BAZ2A: variants seen among roughly 807,000 people sequenced by gnomAD.
BAZ2A encodes the protein bromodomain adjacent to zinc finger domain protein 2A.
A neutral mutation model predicts 199.9 loss-of-function variants in BAZ2A; 34 were observed. The observed-to-expected ratio is 0.17, with a 90% CI of 0.13 to 0.23. The LOEUF (loss-of-function observed/expected upper bound fraction) is 0.23, where lower values mean the gene tolerates loss of function less well. BAZ2A is among the 10% of genes least tolerant of loss of function. The pLI, the probability that BAZ2A is intolerant of heterozygous loss-of-function variation, is 1.00. For missense variants in BAZ2A, 2,002 were observed against 2,391.1 expected (o/e 0.84, Z 3.39); for synonymous variants, 857 against 883.9 (o/e 0.97, Z 0.54).
chr12:56,633,720 C>G (rs1440977487), upstream of BAZ2A, among the ~76,000 whole-genome samples: 2 of 151,896 alleles, frequency 1.3e-5, no homozygotes, highest in Non-Finnish European at 2.9e-5. Context: ...TCCCCTTCTT[C>G]CCCCACTTTT....
Position 56,612,942 on chromosome 12 carries a change from CCTAA to C in BAZ2A, c.1135+69_1135+72del, listed in dbSNP as rs755608971. 3.2e-4 allele frequency: 481 copies of C among 1,480,082 alleles called. 1 individual carries two copies. The highest frequency in any genetic ancestry group is 1.1e-3 in the Admixed American group (56 of 51,756). 91.7% of individuals were successfully genotyped at this position (1,480,082 alleles called of 1,614,324 possible). A position where few individuals can be genotyped will look rare whatever the true frequency, so the allele number is the denominator to read the frequency against. The stretch of plus-strand genomic sequence containing the variant: ...CAGCCAGATTTCCCACTCTTAAGGC[CCTAA>C]CTATGAAACTTATTCTCTCATCTTT... On this transcript the variant is annotated intron_variant, in intron 5 of 28. Coordinates refer to ENST00000549884, the MANE Select transcript of BAZ2A (RefSeq NM_001300905.2).
rs1223520281 is a variant in BAZ2A, at chr12:56,601,170, G to A, written c.4294+10C>T. 2 of 1,613,936 alleles carry A rather than the reference G, an allele frequency of 1.2e-6. No individual in the cohort carries two copies. The highest frequency in any genetic ancestry group is 1.7e-5 in the Admixed American group (1 of 60,010). On this transcript the variant is annotated intron_variant, in intron 21 of 28. Transcript: ENST00000549884. ...CCCACACCGGATGCCCTCACTCCAA[G>A]GTCACTCACCAGGTGGGACAGGCTG...
In BAZ2A at chr12:56,602,095, A is replaced by C; in HGVS notation, c.3522T>G (p.Ala1174=). 1 of 1,583,552 alleles carries C rather than the reference A, an allele frequency of 6.3e-7. No homozygotes were observed. Among genetic ancestry groups the C allele is most frequent in the Non-Finnish European group, 8.6e-7 (1 of 1,164,502 alleles). The change falls in exon 20 of 29, where the codon GCT becomes GCG. Residue 1174 remains alanine (A), a synonymous_variant. Coordinates refer to ENST00000549884, the MANE Select transcript of BAZ2A (RefSeq NM_001300905.2). ...GAGAACTGGCAGTGGTGTTGGAGCC[A>C]GCTAACTCCATCTTCATAGAGAAGA... ...PALFSMKMEL[A]GSNTTASSPA...
In BAZ2A at chr12:56,600,501, G is replaced by A; in HGVS notation, c.4603-11C>T. Reference sequence around the variant, plus strand: ...AGGACATGTCCAGCCCTTCAGTTAAGAGAGAGGAATAAAACTCACTGTAAA... The same window carrying A: ...AGGACATGTCCAGCCCTTCAGTTAAAAGAGAGGAATAAAACTCACTGTAAA... On this transcript the variant is annotated splice_polypyrimidine_tract_variant and intron_variant, in intron 23 of 28. Coordinates refer to ENST00000549884, the MANE Select transcript of BAZ2A (RefSeq NM_001300905.2). 2 of 1,608,376 alleles carry A rather than the reference G, an allele frequency of 1.2e-6. No individual in the cohort carries two copies. The highest frequency in any genetic ancestry group is 1.7e-6 in the Non-Finnish European group (2 of 1,177,040).
At chr12:56,633,934 T>A (rs994885752), upstream of BAZ2A, among the ~76,000 whole-genome samples, 2 of 152,162 alleles carry the variant, frequency 1.3e-5, no homozygotes, top group African/African-American at 4.8e-5. Flanking sequence ...GGTTTTGCCA[T>A]GTTGCCCAAG....
In BAZ2A at chr12:56,614,061, C is replaced by G. The variant is rs1950640602; in HGVS notation, c.808G>C (p.Asp270His). The G allele has an allele frequency of 6.2e-7, 1 of 1,614,004 alleles. No homozygotes were observed. Among genetic ancestry groups the G allele is most frequent in the Non-Finnish European group, 8.5e-7 (1 of 1,179,872 alleles). Residue 270 changes from aspartate (D) to histidine (H), a missense_variant, in exon 4 of 29, where the codon GAC becomes CAC. By Grantham distance (81) the Asp-to-His change is moderately conservative. This residue lies in a region of BAZ2A where 641 missense variants were observed against 694.5 expected (regional missense o/e 0.92). Transcript: ENST00000549884. ...TCATCTAAACAGCTCACTGTGGGGTCAGGGACCAGGACTGAGACCTCTTGG... is the reference window on the plus strand; with the variant it reads ...TCATCTAAACAGCTCACTGTGGGGTGAGGGACCAGGACTGAGACCTCTTGG... ...LHQEVSVLVP[D>H]PTVSCLDDPS...
At chr12:56,610,274 G>T in intron 8 of BAZ2A, 59 bp from the exon 9 acceptor site, 1 of 1,593,546 alleles carries the variant, frequency 6.3e-7, no homozygotes, top group Non-Finnish European at 8.6e-7. Context: ...TCTTTGGCCA[G>T]CAAAGGCATA....
chr12:56,602,299 C>T, intron 19 of BAZ2A, 107 bp from the exon 20 acceptor site: 1 of 1,026,714 alleles, frequency 9.7e-7, no homozygotes. Flanking sequence ...GACTTAGTCC[C>T]CCTTTTTTGA....
rs1321007157 is a variant in BAZ2A, at chr12:56,615,591, C to T, written c.153G>A (p.Val51=). The change falls in exon 3 of 29, where the codon GTG becomes GTA. Residue 51 remains valine, a synonymous_variant. Coordinates refer to ENST00000549884, the MANE Select transcript of BAZ2A (RefSeq NM_001300905.2). ...PQQGKSLNGD[V]NVNGLSTVSH... ...ATACAGTAGATAAGCCATTAACATT[C>T]ACATCCCCATTCAAACCTGGCAGAG... The T allele has an allele frequency of 5.0e-6, 8 of 1,600,592 alleles. No individual in the cohort carries two copies. The highest frequency in any genetic ancestry group is 6.8e-6 in the Non-Finnish European group (8 of 1,172,074).
In BAZ2A at chr12:56,597,677, G is replaced by GCT. The variant is rs1391665163; in HGVS notation, c.*939_*940dup. ...ACACACACACACACACACACACAGCGCTCTCTCTGAGGCCGGCCCCATTGC... is the reference window on the plus strand; with the variant it reads ...ACACACACACACACACACACACAGCGCTCTCTCTCTGAGGCCGGCCCCATTGC... On this transcript the variant is annotated 3_prime_UTR_variant, in exon 29 of 29. Transcript: ENST00000549884. 1 of 123,194 alleles carries GCT rather than the reference G, an allele frequency of 8.1e-6. No homozygotes were observed. The highest frequency in any genetic ancestry group is 4.6e-5 in the African/African-American group (1 of 21,782). The allele number at this position is 123,194 out of a possible 1,614,324, so 7.6% of individuals were successfully genotyped here. A position where few individuals can be genotyped will look rare whatever the true frequency, so the allele number is the denominator to read the frequency against.
intron 14 of BAZ2A, 53 bp from the exon 15 acceptor site, chr12:56,604,852 T>C (rs1215351733): frequency 2.2e-5 from 34 of 1,566,388 alleles, no homozygotes; most frequent in Middle Eastern, 1.7e-4. Context: ...CACAACCAAG[T>C]TGGGTGAATG....
At chr12:56,610,057 G>A in intron 9 of BAZ2A, 57 bp downstream of exon 9, 1 of 1,603,770 alleles carries the variant, frequency 6.2e-7, no homozygotes, top group Non-Finnish European at 8.5e-7. Flanking sequence ...GGAAGCTGCA[G>A]CTTGTCCACC....
upstream of BAZ2A, chr12:56,634,959 G>GGCCGC: frequency 1.0e-6 from 1 of 985,036 alleles, no homozygotes; most frequent in Non-Finnish European, 1.2e-6. Context: ...AGCAGGGCCG[G>GGCCGC]GCCGCAGGCG....
In BAZ2A at chr12:56,609,959, G is replaced by A; in HGVS notation, c.1882-13C>T. 1.2e-6 allele frequency: 2 copies of A among 1,611,298 alleles called. No individual in the cohort carries two copies. Among genetic ancestry groups the A allele is most frequent in the Non-Finnish European group, 1.7e-6 (2 of 1,179,332 alleles). On this transcript the variant is annotated splice_polypyrimidine_tract_variant and intron_variant, in intron 9 of 28. Coordinates refer to ENST00000549884, the MANE Select transcript of BAZ2A (RefSeq NM_001300905.2). ...CCCACTGCAAGCCCTAAGGTAGCAA[G>A]GGAGACTGTTACAGTAGTAAGGAAT...
Position 56,615,397 on chromosome 12 carries a change from C to T in BAZ2A, c.347G>A (p.Gly116Glu). ...KDPPLLSQFSGGQYPLNGILG... is the reference protein window; with the variant it reads ...KDPPLLSQFSEGQYPLNGILG... ...GATGCCGTTGAGTGGGTATTGTCCC[C>T]CCGAGAACTGGGAGAGAAGGGGTGG... Residue 116 changes from glycine to glutamate, a missense_variant, in exon 3 of 29, where the codon GGG becomes GAG. By Grantham distance (98) the Gly-to-Glu change is moderately conservative. This residue lies in a region of BAZ2A where 641 missense variants were observed against 694.5 expected (regional missense o/e 0.92). Coordinates refer to ENST00000549884, the MANE Select transcript of BAZ2A (RefSeq NM_001300905.2). The T allele has an allele frequency of 1.2e-6, 2 of 1,613,214 alleles. No homozygotes were observed. Among genetic ancestry groups the T allele is most frequent in the Non-Finnish European group, 1.7e-6 (2 of 1,179,732 alleles).
rs765115007 is a variant in BAZ2A, at chr12:56,601,741, C to T, written c.3876G>A (p.Pro1292=). ...GTGATGGAGCTGGGTCTAGTTTTCC[C>T]GGACTGCTATCAGGTGTGAGGACTG... ...SSSVLTPDSS[P]GKLDPAPSQP... Residue 1292 remains proline (P), a synonymous_variant, in exon 20 of 29, where the codon CCG becomes CCA. Coordinates refer to ENST00000549884, the MANE Select transcript of BAZ2A (RefSeq NM_001300905.2). 17 of 1,613,920 alleles carry T rather than the reference C, an allele frequency of 1.1e-5. No individual in the cohort carries two copies. Among genetic ancestry groups the T allele is most frequent in the East Asian group, 2.2e-5 (1 of 44,886 alleles).
Position 56,601,398 on chromosome 12 carries a change from T to C in BAZ2A, c.4076A>G (p.Asn1359Ser). 6.2e-7 allele frequency: 1 copy of C among 1,612,854 alleles called. No homozygotes were observed. Among genetic ancestry groups the C allele is most frequent in the East Asian group, 2.2e-5 (1 of 44,856 alleles). The change falls in exon 21 of 29, where the codon AAT (asparagine) becomes AGT (serine). Residue 1359 changes from asparagine to serine, a missense_variant. By Grantham distance (46) the Asn-to-Ser change is conservative. This residue lies in a region of BAZ2A where 1,081 missense variants were observed against 1,274.7 expected (regional missense o/e 0.85). Coordinates refer to ENST00000549884, the MANE Select transcript of BAZ2A (RefSeq NM_001300905.2). ...PQQLASSKPM[N>S]RPSAANPCSP... ...ACAAGGGTTGGCAGCACTAGGTCTATTCATCTGTGAATAAAATGAGACATA... is the reference window on the plus strand; with the variant it reads ...ACAAGGGTTGGCAGCACTAGGTCTACTCATCTGTGAATAAAATGAGACATA...
chr12:56,604,674 G>C lies in BAZ2A; in HGVS notation c.2874C>G (p.Thr958=). The C allele has an allele frequency of 6.2e-7, 1 of 1,612,522 alleles. No homozygotes were observed. ...VEPALCDRLR[T]QPFQAQPPQQ... ...GGGGTGGCTGGGCCTGAAAAGGCTGGGTGCGCAGGCGGTCACAGAGGGCTG... is the reference window on the plus strand; with the variant it reads ...GGGGTGGCTGGGCCTGAAAAGGCTGCGTGCGCAGGCGGTCACAGAGGGCTG... The change falls in exon 15 of 29, where the codon ACC becomes ACG. Residue 958 remains threonine, a synonymous_variant. Coordinates refer to ENST00000549884, the MANE Select transcript of BAZ2A (RefSeq NM_001300905.2).
Position 56,604,696 on chromosome 12 carries a change from G to A in BAZ2A, c.2852C>T (p.Ala951Val), listed in dbSNP as rs1041309614. ...CTGGGTGCGCAGGCGGTCACAGAGG[G>A]CTGGCTCTACTCCATATGCCATAAG... is the stretch of plus-strand genomic sequence containing the variant. The part of the protein sequence containing the change: ...CFLMAYGVEP[A>V]LCDRLRTQPF... The change falls in exon 15 of 29, where the codon GCC (alanine) becomes GTC (valine). Residue 951 changes from alanine to valine, a missense_variant. Physicochemically the swap from Ala to Val is moderately conservative, Grantham distance 64. This residue lies in a region of BAZ2A where 1,081 missense variants were observed against 1,274.7 expected (regional missense o/e 0.85). Coordinates refer to ENST00000549884, the MANE Select transcript of BAZ2A (RefSeq NM_001300905.2). The A allele has an allele frequency of 6.2e-7, 1 of 1,613,552 alleles. No individual in the cohort carries two copies.
Sources: allele counts gnomAD v4.1 joint callset (sites outside exome capture counted in the v4.1 genomes callset), GRCh38; gene constraint gnomAD v4.1.1; regional missense constraint gnomAD v4.1.1; transcripts MANE v1.5; gene names NCBI Gene and HGNC (gene_info 2026-07-23, HGNC 2026-07-21).